The following ANKS1B variants were observed in gnomAD, a reference collection of about 807,000 sequenced individuals.
The protein encoded by ANKS1B is ankyrin repeat and sterile alpha motif domain-containing protein 1B.
In ANKS1B, 36 loss-of-function variants were observed where a neutral mutation model predicts 148.3. The observed-to-expected ratio is 0.24, with a 90% CI of 0.19 to 0.32. The LOEUF is 0.32. ANKS1B is among the 10% of genes least tolerant of loss of function. The pLI, the probability that ANKS1B is intolerant of heterozygous loss-of-function variation, is 1.00. For missense variants in ANKS1B, 1,157 were observed against 1,542.6 expected (o/e 0.75, Z 4.19); for synonymous variants, 542 against 560.8 (o/e 0.97, Z 0.47).
chr12:98,750,800 G>C (rs1444739463), intron 26 of ANKS1B, among the ~76,000 whole-genome samples: 1 of 152,240 alleles, frequency 6.6e-6, no homozygotes, highest in Non-Finnish European at 1.5e-5. Flanking sequence ...TGCTGAGAAG[G>C]AGGGGCTGCA....
chr12:99,724,993 G>A (rs1048089477), intron 8 of ANKS1B, among the ~76,000 whole-genome samples: 4 of 152,124 alleles, frequency 2.6e-5, no homozygotes, highest in Non-Finnish European at 5.9e-5. Flanking sequence ...CCTTACAAGA[G>A]CCCCTGAGGG....
At position 99,531,503 on chromosome 12, in the gene ANKS1B, C is replaced by T. The variant is rs115667413; in HGVS notation, c.1273-26862G>A. Among the ~76,000 whole-genome samples, 581 of 152,220 alleles carry T rather than the reference C, an allele frequency of 3.8e-3. 6 individuals are homozygous for T. The highest frequency in any genetic ancestry group is 0.014 in the African/African-American group (561 of 41,514). On this transcript the variant is annotated intron_variant, in intron 9 of 26. Coordinates refer to ENST00000683438, the MANE Select transcript of ANKS1B (RefSeq NM_001352186.2). ...CAAGTTACTTCACTTAGGATAATGG[C>T]TTCCAGTTCCATACAAGGTGCTGCA...
rs528798131 is a variant in ANKS1B at position 99,410,667 on chromosome 12, TCAAA to T, written c.1576-10860_1576-10857del. Among the ~76,000 whole-genome samples the T allele has an allele frequency of 1.3e-4, 20 of 152,012 alleles. No individual in the cohort carries two copies. The East Asian group carries it at 3.5e-3, about 27-fold the overall frequency. Reference sequence around the variant, plus strand: ...CTGGGCAACAGGGCAAGACTCCATCTCAAACAAACAAACAAACCAACAAACAAAA... The same window carrying T: ...CTGGGCAACAGGGCAAGACTCCATCTCAAACAAACAAACCAACAAACAAAA... On this transcript the variant is annotated intron_variant, in intron 11 of 26. Coordinates refer to ENST00000683438, the MANE Select transcript of ANKS1B (RefSeq NM_001352186.2).
At chr12:99,406,094 T>G (rs555928570) in intron 11 of ANKS1B, among the ~76,000 whole-genome samples, 5 of 145,334 alleles carry the variant, frequency 3.4e-5, no homozygotes, top group Admixed American at 3.4e-4. Flanking sequence ...ACAACCCACT[T>G]TCATCATTGG....
chr12:99,957,448 T>G (rs2095341943), intron 1 of ANKS1B, among the ~76,000 whole-genome samples: 1 of 152,256 alleles, frequency 6.6e-6, no homozygotes, highest in South Asian at 2.1e-4. Flanking sequence ...GAATCCATAG[T>G]GAAAAGTAGA....
chr12:99,449,324 C>A (rs1279688175), intron 10 of ANKS1B, among the ~76,000 whole-genome samples: 1 of 152,108 alleles, frequency 6.6e-6, no homozygotes, highest in Non-Finnish European at 1.5e-5. Context: ...TTCTGTGTTG[C>A]TTATTATTCA....
At chr12:99,346,861 G>C (rs1359341259) in intron 12 of ANKS1B, among the ~76,000 whole-genome samples, 3 of 151,928 alleles carry the variant, frequency 2.0e-5, no homozygotes, top group African/African-American at 7.2e-5. Context: ...CCTACTGCCA[G>C]TCAAAGGTTT....
At chr12:99,901,614 C>A (rs1271228577) in intron 1 of ANKS1B, among the ~76,000 whole-genome samples, 1 of 152,182 alleles carries the variant, frequency 6.6e-6, no homozygotes, top group African/African-American at 2.4e-5. Context: ...TTAGATAACA[C>A]CCCTCCCCCA....
At chr12:99,692,071 T>G (rs1429322001) in intron 8 of ANKS1B, among the ~76,000 whole-genome samples, 1 of 152,210 alleles carries the variant, frequency 6.6e-6, no homozygotes, top group African/African-American at 2.4e-5. Flanking sequence ...AATTTGTTGT[T>G]AAAAGTGGGA....
chr12:99,213,481 T>G (rs571413768), intron 14 of ANKS1B, among the ~76,000 whole-genome samples: 23 of 152,196 alleles, frequency 1.5e-4, no homozygotes, highest in African/African-American at 5.5e-4. Context: ...ACTTGCTAAT[T>G]GAAAATTTGG....
intron 9 of ANKS1B, among the ~76,000 whole-genome samples, chr12:99,582,565 T>G (rs1324569123): frequency 3.3e-5 from 5 of 152,190 alleles, no homozygotes; most frequent in Non-Finnish European, 7.4e-5. Flanking sequence ...TTATGCTATG[T>G]GAATGAATTC....
At chr12:99,062,837 C>A (rs563976897) in intron 16 of ANKS1B, among the ~76,000 whole-genome samples, 2 of 152,228 alleles carry the variant, frequency 1.3e-5, no homozygotes, top group South Asian at 4.1e-4. Context: ...GGAGGGCTTG[C>A]CTTTTGCTTT....
chr12:99,756,178 C>A (rs998769641), intron 8 of ANKS1B, among the ~76,000 whole-genome samples: 2 of 120,314 alleles, frequency 1.7e-5, no homozygotes, highest in Middle Eastern at 3.7e-3. Flanking sequence ...ATGACATGAT[C>A]CATATCTAGA....
intron 10 of ANKS1B, among the ~76,000 whole-genome samples, chr12:99,444,266 G>A (rs559090528): frequency 5.2e-4 from 79 of 151,990 alleles, no homozygotes; most frequent in African/African-American, 1.8e-3. Flanking sequence ...CTCCTCAAAT[G>A]ACTTTTCCTA....
chr12:99,862,556 AT>A (rs1186917659), intron 1 of ANKS1B, among the ~76,000 whole-genome samples: 2 of 152,224 alleles, frequency 1.3e-5, no homozygotes, highest in Non-Finnish European at 2.9e-5. Context: ...CATGTTTTGT[AT>A]GATGCTGATG....
intron 1 of ANKS1B, among the ~76,000 whole-genome samples, chr12:99,969,925 A>G (rs1287889271): frequency 2.6e-5 from 4 of 152,222 alleles, no homozygotes; most frequent in Non-Finnish European, 1.5e-5. Context: ...TCACCCATAA[A>G]TAAAAATGGG....
chr12:99,226,785 C>T (rs888243762), intron 14 of ANKS1B, among the ~76,000 whole-genome samples: 1 of 152,144 alleles, frequency 6.6e-6, no homozygotes, highest in African/African-American at 2.4e-5. Context: ...TAAAACAAAT[C>T]CAGACTTAGA....
chr12:99,648,778 A>G, intron 9 of ANKS1B: 1 of 1,610,874 alleles, frequency 6.2e-7, no homozygotes, highest in Non-Finnish European at 8.5e-7. Flanking sequence ...GGAAGTGCAG[A>G]GGAGCCCAGT....
chr12:99,660,083 C>T lies in ANKS1B; in HGVS notation c.1129-4873G>A, dbSNP rs532769644. Among the ~76,000 whole-genome samples the T allele has an allele frequency of 3.2e-4, 48 of 152,322 alleles. 1 individual carries two copies. The highest frequency in any genetic ancestry group is 9.9e-4 in the African/African-American group (41 of 41,570). On this transcript the variant is annotated intron_variant, in intron 8 of 26. Transcript: ENST00000683438. ...TAGACTACTTTATAGCATTGCCACA[C>T]GCCTTTTTGCCTTTGTTTAGTTCTA...
Sources: allele counts gnomAD v4.1 joint callset (sites outside exome capture counted in the v4.1 genomes callset), GRCh38; gene constraint gnomAD v4.1.1; transcripts MANE v1.5; gene names NCBI Gene and HGNC (gene_info 2026-07-23, HGNC 2026-07-21).